The following MED17 variants were observed in gnomAD, a reference collection of about 807,000 sequenced individuals.
The protein encoded by MED17 is mediator complex subunit 17, also known as mediator of RNA polymerase II transcription subunit 17.
MED17 carries 49 observed loss-of-function variants against 80.8 expected under a neutral mutation model. The observed-to-expected ratio is 0.61, with a 90% CI of 0.48 to 0.77. The LOEUF is 0.77. Ranked by LOEUF, MED17 falls within the 30% of genes least tolerant of loss-of-function variation. The probability of loss-of-function intolerance (pLI) is 0.00; values close to 1 mark genes in which losing one functional copy is unlikely to be tolerated. For missense variants in MED17, 718 were observed against 787.0 expected, an observed-to-expected ratio of 0.91 and a Z score of 1.05; for synonymous variants, 281 against 280.4, an observed-to-expected ratio of 1.00 and a Z score of -0.02.
At chr11:93,798,726 G>A (rs1305504698) in intron 8 of MED17, among the ~76,000 whole-genome samples, 1 of 152,122 alleles carries the variant, frequency 6.6e-6, no homozygotes, top group Non-Finnish European at 1.5e-5. Flanking sequence ...GTCAATAGCA[G>A]GTATAGGAGT....
chr11:93,809,424 A>G (rs150586948), intron 10 of MED17: 46 of 441,428 alleles, frequency 1.0e-4, no homozygotes, highest in African/African-American at 8.2e-4. Flanking sequence ...ATGTTACACC[A>G]TATTCAGTGA....
rs770189924 is a variant in MED17, at chr11:93,784,561, G to C, written c.48G>C (p.Glu16Asp). 1.9e-6 allele frequency: 3 copies of C among 1,612,652 alleles called. No homozygotes were observed. The East Asian group carries it at 6.7e-5, about 36-fold the overall frequency. The change falls in exon 1 of 12, where the codon GAG becomes GAC. Residue 16 changes from glutamate to aspartate, a missense_variant. Coordinates refer to ENST00000251871, the MANE Select transcript of MED17 (RefSeq NM_004268.5). ...GGATCAGCATCGAATCGGCCTGCGA[G>C]AAGCAGGTCCATGAGGTGGGCCTGG... The part of the protein sequence containing the change: ...AVRISIESAC[E>D]KQVHEVGLDG...
At position 93,796,424 on chromosome 11, in the gene MED17, A is replaced by G. The variant is rs753124520; in HGVS notation, c.1027A>G (p.Ile343Val). The G allele has an allele frequency of 1.1e-5, 18 of 1,612,726 alleles. No homozygotes were observed. The highest frequency in any genetic ancestry group is 2.2e-5 in the East Asian group (1 of 44,880). Residue 343 changes from isoleucine to valine, a missense_variant, in exon 7 of 12, where the codon ATT becomes GTT. Transcript: ENST00000251871. ...SQPFPSLQLS[I>V]SLCHSSNDKK... ...TTTATAAATAGGCTTGCAGTTATCTATTTCTTTGTGCCATTCCTCAAATGA... is the reference window on the plus strand; with the variant it reads ...TTTATAAATAGGCTTGCAGTTATCTGTTTCTTTGTGCCATTCCTCAAATGA...
Position 93,801,821 on chromosome 11 carries a change from C to A in MED17, c.1329-14C>A. 1 of 1,611,712 alleles carries A rather than the reference C, an allele frequency of 6.2e-7. No individual in the cohort carries two copies. Among genetic ancestry groups the A allele is most frequent in the Non-Finnish European group, 8.5e-7 (1 of 1,178,804 alleles). ...GGTGACTTAAAAAGTTTTTTAACTT[C>A]TTGTATTTAAAAGAGCTGCTGCAAC... On this transcript the variant is annotated splice_polypyrimidine_tract_variant and intron_variant, in intron 8 of 11. Coordinates refer to ENST00000251871, the MANE Select transcript of MED17 (RefSeq NM_004268.5).
intron 5 of MED17, 68 bp downstream of exon 5, chr11:93,794,103 T>C: frequency 8.7e-7 from 1 of 1,145,936 alleles, no homozygotes; most frequent in Non-Finnish European, 1.2e-6. Context: ...AAACTGAAGA[T>C]AAATATAGGT....
At chr11:93,799,175 G>T (rs1490944889) in intron 8 of MED17, among the ~76,000 whole-genome samples, 1 of 120,736 alleles carries the variant, frequency 8.3e-6, no homozygotes, top group Non-Finnish European at 1.7e-5. Context: ...GTCTCTACAA[G>T]AAATTTTTTT....
intron 8 of MED17, among the ~76,000 whole-genome samples, chr11:93,798,561 A>G (rs1248406837): frequency 1.3e-5 from 2 of 152,098 alleles, no homozygotes; most frequent in African/African-American, 4.8e-5. Context: ...TTCAGCTTTT[A>G]GTAAAAGGAA....
Position 93,784,379 on chromosome 11 carries a change from CG to C in MED17, c.-133del. ...TTGTTTCCAGTCTGAGCGTTGCGTT[CG>C]GTTTCCCGAGGGTCTTCTGAGGCAC... On this transcript the variant is annotated 5_prime_UTR_variant, in exon 1 of 12. Transcript: ENST00000251871. 11 of 1,153,798 alleles carry C rather than the reference CG, an allele frequency of 9.5e-6. No individual in the cohort carries two copies. Among genetic ancestry groups the C allele is most frequent in the Non-Finnish European group, 1.3e-5 (11 of 841,920 alleles). The allele number at this position is 1,153,798 out of a possible 1,614,324, so 71.5% of individuals were successfully genotyped here.
rs1196108174 is a variant in MED17, at chr11:93,801,899, T to C, written c.1393T>C (p.Ser465Pro). The C allele has an allele frequency of 6.2e-7, 1 of 1,613,346 alleles. No homozygotes were observed. The change falls in exon 9 of 12, where the codon TCA (serine) becomes CCA (proline). Residue 465 changes from serine (S) to proline (P), a missense_variant. By Grantham distance (74) the Ser-to-Pro change is moderately conservative. Coordinates refer to ENST00000251871, the MANE Select transcript of MED17 (RefSeq NM_004268.5). ...GGATCCTCAGATACAGGCTCATTGG[T>C]CAAATATCAATGATGTTTATGAATC... ...IEDPQIQAHW[S>P]NINDVYESSV... is the part of the protein sequence containing the mutation.
intron 1 of MED17, among the ~76,000 whole-genome samples, chr11:93,787,513 C>G (rs1943783270): frequency 1.3e-5 from 2 of 152,206 alleles, no homozygotes; most frequent in African/African-American, 2.4e-5. Context: ...GGAAAACTTT[C>G]ACTTTTTACC....
At chr11:93,793,674 G>C (rs1943867501) in intron 3 of MED17, 54 bp from the exon 4 acceptor site, 2 of 1,275,966 alleles carry the variant, frequency 1.6e-6, no homozygotes, top group East Asian at 4.6e-5. Context: ...AATAATGTGT[G>C]TCGGAATAAT....
chr11:93,790,031 C>T (rs930594509), intron 2 of MED17, among the ~76,000 whole-genome samples: 2 of 152,114 alleles, frequency 1.3e-5, no homozygotes, highest in African/African-American at 2.4e-5. Flanking sequence ...TGGTAAGATG[C>T]AAAATATGGT....
chr11:93,792,518 T>A (rs1290581305), intron 3 of MED17, among the ~76,000 whole-genome samples: 2 of 152,206 alleles, frequency 1.3e-5, no homozygotes, highest in Non-Finnish European at 2.9e-5. Context: ...TGTTTTTAAT[T>A]GCAAGAAAAT....
Position 93,797,541 on chromosome 11 carries a change from A to T in MED17, c.1150A>T (p.Lys384Ter), listed in dbSNP as rs749318218. Residue 384 changes from lysine (K) to a stop codon, truncating the protein, a stop_gained, in exon 8 of 12, where the codon AAA (lysine) becomes TAA (stop). Coordinates refer to ENST00000251871, the MANE Select transcript of MED17 (RefSeq NM_004268.5). LOFTEE classifies it high-confidence loss of function. ...AAATGGCTGTTTTTGTTAGTTTCAT[A>T]AACAGACCTTGAGTTCCATCATGAT... The part of the protein sequence containing the change: ...NLHLLIREFH[K>*]QTLSSIMMPH... 6.2e-6 allele frequency: 10 copies of T among 1,614,026 alleles called. No individual in the cohort carries two copies. The highest frequency in any genetic ancestry group is 7.6e-6 in the Non-Finnish European group (9 of 1,179,894).
Position 93,790,604 on chromosome 11 carries a change from A to G in MED17, c.448A>G (p.Lys150Glu). 1 of 1,614,144 alleles carries G rather than the reference A, an allele frequency of 6.2e-7. No homozygotes were observed. Among genetic ancestry groups the G allele is most frequent in the African/African-American group, 1.3e-5 (1 of 75,064 alleles). Reference sequence around the variant, plus strand: ...TCAGACGTTGCAATTGATATCTAAAAAGAAGTCACTTGCTGGAGCAGCACA... The same window carrying G: ...TCAGACGTTGCAATTGATATCTAAAGAGAAGTCACTTGCTGGAGCAGCACA... ...NPQTLQLISK[K>E]KSLAGAAQIL... The change falls in exon 3 of 12, where the codon AAG (lysine) becomes GAG (glutamate). Residue 150 changes from lysine (K) to glutamate (E), a missense_variant. By Grantham distance (56) the Lys-to-Glu change is moderately conservative. Transcript: ENST00000251871.
rs189781974 is a variant in MED17, at chr11:93,804,413, A to G, written c.1466+2441A>G. On this transcript the variant is annotated intron_variant, in intron 9 of 11. Transcript: ENST00000251871. ...TAGGACCAGTACTTTGTATCCTTCA[A>G]TCCAATCAAGTTGACAGTGTTAACC... Among the ~76,000 whole-genome samples, 35 of 152,226 alleles carry G rather than the reference A, an allele frequency of 2.3e-4. No individual in the cohort carries two copies. In the East Asian group the frequency reaches 6.0e-3, roughly 26 times the overall value.
intron 5 of MED17, chr11:93,794,554 T>C (rs1295793851): frequency 3.6e-6 from 1 of 279,154 alleles, no homozygotes; most frequent in Non-Finnish European, 6.8e-6. Context: ...AGTGAGATTT[T>C]TATATTTTGG....
rs200765332 is a variant in MED17 at position 93,784,714 on chromosome 11, G to T, written c.201G>T (p.Ala67=). The change falls in exon 1 of 12, where the codon GCG becomes GCT. Residue 67 remains alanine, a synonymous_variant. Transcript: ENST00000251871. ...EEEAAGTEGD[A]QEWPGAGSSA... ...AGGCGGCGGGGACCGAGGGCGACGC[G>T]CAGGAGTGGCCGGGCGCCGGGTCCA... 9.4e-5 allele frequency: 146 copies of T among 1,547,744 alleles called. No individual in the cohort carries two copies. In the African/African-American group the frequency reaches 1.8e-3, roughly 19 times the overall value.
In MED17 at chr11:93,793,806, A is replaced by G. The variant is rs745613598; in HGVS notation, c.716A>G (p.Asp239Gly). The change falls in exon 4 of 12, where the codon GAT becomes GGT. Residue 239 changes from aspartate to glycine, a missense_variant. Coordinates refer to ENST00000251871, the MANE Select transcript of MED17 (RefSeq NM_004268.5). The part of the protein sequence containing the change: ...DLDLDKKIPE[D>G]YCPLDVQIPS... ...GATCTGGATAAAAAGATACCTGAAGATTACTGTCCTCTTGATGTCCAAATT... is the reference window on the plus strand; with the variant it reads ...GATCTGGATAAAAAGATACCTGAAGGTTACTGTCCTCTTGATGTCCAAATT... 1.1e-5 allele frequency: 18 copies of G among 1,608,178 alleles called. No homozygotes were observed. In the Middle Eastern group the frequency reaches 6.8e-4, roughly 61 times the overall value.
Sources: gnomAD v4.1 joint callset for allele counts (sites outside exome capture counted in the v4.1 genomes callset) on GRCh38, gnomAD v4.1.1 for gene constraint, MANE v1.5 for transcripts, NCBI Gene and HGNC (gene_info 2026-07-23, HGNC 2026-07-21) for gene names.